Variants in LRP10 observed in about 807,000 individuals in gnomAD.
LRP10 encodes LDL receptor related protein 10, also known as low-density lipoprotein receptor-related protein 10.
Under a neutral mutation model 58.5 loss-of-function variants are expected in LRP10, and 42 were observed. The observed-to-expected ratio is 0.72, with a 90% CI of 0.56 to 0.93. LRP10 has a LOEUF of 0.93. Among genes scored for constraint, LRP10 ranks in the 40% least tolerant of loss-of-function variants. The pLI, the probability that LRP10 is intolerant of heterozygous loss-of-function variation, is 0.00. For synonymous variants in LRP10, 377 were observed against 388.5 expected, an observed-to-expected ratio of 0.97 and a Z score of 0.35; for missense variants, 872 against 940.1, an observed-to-expected ratio of 0.93 and a Z score of 0.95.
chr14:22,873,847 A>G (rs1183923408), intron 3 of LRP10, among the ~76,000 whole-genome samples: 1 of 152,200 alleles, frequency 6.6e-6, no homozygotes, highest in Non-Finnish European at 1.5e-5. Context: ...TCACTTCTCT[A>G]TGGAATTTCC....
At chr14:22,874,699 C>T (rs1347412107) in intron 3 of LRP10, among the ~76,000 whole-genome samples, 1 of 152,176 alleles carries the variant, frequency 6.6e-6, no homozygotes, top group Non-Finnish European at 1.5e-5. Flanking sequence ...ACCAGCCTGA[C>T]CAACATGGTG....
chr14:22,874,713 C>CCCCATCT (rs2039984912), intron 3 of LRP10, among the ~76,000 whole-genome samples: 1 of 152,118 alleles, frequency 6.6e-6, no homozygotes, highest in Non-Finnish European at 1.5e-5. Context: ...CATGGTGAAA[C>CCCCATCT]CCCATCTCTA....
chr14:22,872,380 G>A (rs763334485), intron 1 of LRP10, 43 bp downstream of exon 1: 3 of 1,612,688 alleles, frequency 1.9e-6, no homozygotes, highest in African/African-American at 2.7e-5. Context: ...TCTGTCACCG[G>A]GCCAGCAGCT....
In LRP10 at chr14:22,875,454, C is replaced by G; in HGVS notation, c.506C>G (p.Ser169Cys). 2.5e-6 allele frequency: 4 copies of G among 1,614,210 alleles called. No individual in the cohort carries two copies. Among genetic ancestry groups the G allele is most frequent in the Non-Finnish European group, 3.4e-6 (4 of 1,180,030 alleles). The change falls in exon 5 of 7, where the codon TCT becomes TGT. Residue 169 changes from serine (S) to cysteine (C), a missense_variant. Ser to Cys is a moderately radical substitution (Grantham distance 112). Coordinates refer to ENST00000359591, the MANE Select transcript of LRP10 (RefSeq NM_014045.5). ...GGGGTTGATGCCTGTGGCGATGGCTCTGATGAAGCAGGTTGCAGCTCAGAC... is the reference window on the plus strand; with the variant it reads ...GGGGTTGATGCCTGTGGCGATGGCTGTGATGAAGCAGGTTGCAGCTCAGAC... ...CDGVDACGDG[S>C]DEAGCSSDPF...
At position 22,877,593 on chromosome 14, in the gene LRP10, A is replaced by G. The variant is rs1347984396; in HGVS notation, c.*66A>G. ...TCTACTCATAGTGGCACAACCTTTT[A>G]GAGGTGGGTCAGCCTCCCCTCCACC... On this transcript the variant is annotated 3_prime_UTR_variant, in exon 7 of 7. Transcript: ENST00000359591. This position sits in a 1 kb window ranked among gnomAD's most constrained non-coding sequence, Gnocchi z 5.1. 3.9e-6 allele frequency: 5 copies of G among 1,296,624 alleles called. No homozygotes were observed. The East Asian group carries it at 1.3e-4, about 34-fold the overall frequency. 80.3% of individuals were successfully genotyped at this position (1,296,624 alleles called of 1,614,324 possible).
chr14:22,877,372 T>A lies in LRP10; in HGVS notation c.1987T>A (p.Leu663Met). 6.2e-7 allele frequency: 1 copy of A among 1,613,714 alleles called. No individual in the cohort carries two copies. The highest frequency in any genetic ancestry group is 8.5e-7 in the Non-Finnish European group (1 of 1,179,848). ...GGTGCAGGCCCTGCGAGGCCGCCTG[T>A]TGCCCAGCCTGGGGCCCCCAGGACC... ...GVVQALRGRLLPSLGPPGPTR... is the reference protein window; with the variant it reads ...GVVQALRGRLMPSLGPPGPTR... Residue 663 changes from leucine to methionine, a missense_variant, in exon 7 of 7, where the codon TTG becomes ATG. Physicochemically the swap from Leu to Met is conservative, Grantham distance 15. Transcript: ENST00000359591. The surrounding 1 kb of genome is among the most constrained non-coding windows in gnomAD (Gnocchi z 5.1).
intron 6 of LRP10, 32 bp downstream of exon 6, chr14:22,876,850 T>A (rs1436084748): frequency 1.9e-6 from 3 of 1,609,670 alleles, no homozygotes; most frequent in Non-Finnish European, 2.5e-6. Flanking sequence ...TAGCACCTCC[T>A]GGTCCCAGTT....
intron 2 of LRP10, 132 bp from the exon 3 acceptor site, chr14:22,873,179 T>G (rs2039972814): frequency 9.3e-7 from 1 of 1,071,592 alleles, no homozygotes; most frequent in Non-Finnish European, 1.4e-6. Context: ...AGGCTGTGTG[T>G]GGGCAGGGGC....
chr14:22,877,069 C>T lies in LRP10; in HGVS notation c.1684C>T (p.Arg562Cys), dbSNP rs1415592922. 5.0e-6 allele frequency: 8 copies of T among 1,613,764 alleles called. No homozygotes were observed. Among genetic ancestry groups the T allele is most frequent in the Non-Finnish European group, 5.1e-6 (6 of 1,179,906 alleles). The change falls in exon 7 of 7, where the codon CGC (arginine) becomes TGC (cysteine). Residue 562 changes from arginine to cysteine, a missense_variant. Physicochemically the swap from Arg to Cys is radical, Grantham distance 180 (BLOSUM62 -3). Coordinates refer to ENST00000359591, the MANE Select transcript of LRP10 (RefSeq NM_014045.5). This position sits in a 1 kb window ranked among gnomAD's most constrained non-coding sequence, Gnocchi z 5.1. ...LMRRLVRRLR[R>C]WGLLPRTNTP... Reference sequence around the variant, plus strand: ...GCGACGCCTGGTACGCCGTCTCCGCCGCTGGGGCTTGCTCCCTCGAACCAA... The same window carrying T: ...GCGACGCCTGGTACGCCGTCTCCGCTGCTGGGGCTTGCTCCCTCGAACCAA...
In LRP10 at chr14:22,872,747, T is replaced by C; in HGVS notation, c.44T>C (p.Leu15Pro). 6.2e-7 allele frequency: 1 copy of C among 1,614,192 alleles called. No individual in the cohort carries two copies. The highest frequency in any genetic ancestry group is 8.5e-7 in the Non-Finnish European group (1 of 1,180,036). The change falls in exon 2 of 7, where the codon CTG becomes CCG. Residue 15 changes from leucine (L) to proline (P), a missense_variant. Leu to Pro is a moderately conservative substitution (Grantham distance 98). Transcript: ENST00000359591. Reference sequence around the variant, plus strand: ...CTCGTTCCTCCTCTAGGAGGCGCTCTGGCCCATCCAGACCGGATTATTTTT... The same window carrying C: ...CTCGTTCCTCCTCTAGGAGGCGCTCCGGCCCATCCAGACCGGATTATTTTT... ...TLLLLLLGGALAHPDRIIFPN... is the reference protein window; with the variant it reads ...TLLLLLLGGAPAHPDRIIFPN...
In LRP10 at chr14:22,874,452, G is replaced by A. The variant is rs1244342308; in HGVS notation, c.216-603G>A. Among the ~76,000 whole-genome samples, 5 of 152,214 alleles carry A rather than the reference G, an allele frequency of 3.3e-5. No individual in the cohort carries two copies. In the East Asian group the frequency reaches 9.6e-4, roughly 29 times the overall value. ...GTGACAGTGCTACAACAACTGGAAT[G>A]CAGTGCACCTCTTCTTAACTCAGTC... On this transcript the variant is annotated intron_variant, in intron 3 of 6. Transcript: ENST00000359591.
chr14:22,879,375 C>T lies in LRP10; in HGVS notation c.*1848C>T, dbSNP rs145847601. On this transcript the variant is annotated 3_prime_UTR_variant, in exon 7 of 7. Coordinates refer to ENST00000359591, the MANE Select transcript of LRP10 (RefSeq NM_014045.5). ...CTTACTGTTCTCCCTTTGGGCCCTC[C>T]TTCCCAAACGCAAACAATCCAGGAT... 3 of 315,000 alleles carry T rather than the reference C, an allele frequency of 9.5e-6. No individual in the cohort carries two copies. Among genetic ancestry groups the T allele is most frequent in the Non-Finnish European group, 2.0e-5 (3 of 149,732 alleles). The allele number at this position is 315,000 out of a possible 1,614,324, so 19.5% of individuals were successfully genotyped here.
chr14:22,876,330 G>A lies in LRP10; in HGVS notation c.1382G>A (p.Gly461Asp), dbSNP rs1566493732. 5.6e-6 allele frequency: 9 copies of A among 1,613,928 alleles called. No individual in the cohort carries two copies. Among genetic ancestry groups the A allele is most frequent in the Non-Finnish European group, 7.6e-6 (9 of 1,180,044 alleles). Residue 461 changes from glycine to aspartate, a missense_variant, in exon 5 of 7, where the codon GGC (glycine) becomes GAC (aspartate). By Grantham distance (94) the Gly-to-Asp change is moderately conservative. Coordinates refer to ENST00000359591, the MANE Select transcript of LRP10 (RefSeq NM_014045.5). The part of the protein sequence containing the change: ...VCGLLLVIAL[G>D]CTCKLYAIRT... Reference sequence around the variant, plus strand: ...GGCCTGCTCCTGGTCATCGCCCTGGGCTGCACCTGCAAGCTCTATGCCATT... The same window carrying A: ...GGCCTGCTCCTGGTCATCGCCCTGGACTGCACCTGCAAGCTCTATGCCATT...
intron 3 of LRP10, among the ~76,000 whole-genome samples, chr14:22,874,000 G>A (rs1363210084): frequency 1.3e-5 from 2 of 152,188 alleles, no homozygotes; most frequent in African/African-American, 2.4e-5. Flanking sequence ...ATCTCCAAAG[G>A]ACAGAGGCCC....
Position 22,873,345 on chromosome 14 carries a change from G to A in LRP10, c.114G>A (p.Val38=). 2 of 1,614,108 alleles carry A rather than the reference G, an allele frequency of 1.2e-6. No individual in the cohort carries two copies. Among genetic ancestry groups the A allele is most frequent in the Non-Finnish European group, 1.7e-6 (2 of 1,180,008 alleles). Residue 38 remains valine (V), a synonymous_variant, in exon 3 of 7, where the codon GTG becomes GTA. Transcript: ENST00000359591. ...ACCCCCCAGCAGTGCTCTTAGAAGTGCAGGGCACCTTACAGAGGCCCCTGG... is the reference window on the plus strand; with the variant it reads ...ACCCCCCAGCAGTGCTCTTAGAAGTACAGGGCACCTTACAGAGGCCCCTGG... ...CEDPPAVLLE[V]QGTLQRPLVR...
rs970491043 is a variant in LRP10, at chr14:22,875,575, A to T, written c.627A>T (p.Thr209=). The T allele has an allele frequency of 6.2e-7, 1 of 1,613,806 alleles. No individual in the cohort carries two copies. The highest frequency in any genetic ancestry group is 8.5e-7 in the Non-Finnish European group (1 of 1,179,916). ...GGGTCTTCTCCTCTCCTGGATATAC[A>T]CACCTAGCCTCAGTCTCCCACCCCC... The part of the protein sequence containing the change: ...FYGVFSSPGY[T]HLASVSHPQS... Residue 209 remains threonine (T), a synonymous_variant, in exon 5 of 7, where the codon ACA becomes ACT. Coordinates refer to ENST00000359591, the MANE Select transcript of LRP10 (RefSeq NM_014045.5).
In LRP10 at chr14:22,881,446, C is replaced by A. The variant is rs904484628; in HGVS notation, c.*3919C>A. 2.0e-5 allele frequency: 3 copies of A among 152,260 alleles called. No individual in the cohort carries two copies. The highest frequency in any genetic ancestry group is 6.5e-5 in the Admixed American group (1 of 15,282). 9.4% of individuals were successfully genotyped at this position (152,260 alleles called of 1,614,324 possible). On this transcript the variant is annotated 3_prime_UTR_variant, in exon 7 of 7. Coordinates refer to ENST00000359591, the MANE Select transcript of LRP10 (RefSeq NM_014045.5). ...AATAATTTTCTGCATAACTGAGGATCATTCACAGAAACCAATGGCTTTTCT... is the reference window on the plus strand; with the variant it reads ...AATAATTTTCTGCATAACTGAGGATAATTCACAGAAACCAATGGCTTTTCT...
Position 22,876,171 on chromosome 14 carries a change from A to G in LRP10, c.1223A>G (p.Asp408Gly), listed in dbSNP as rs1344823641. 6.2e-7 allele frequency: 1 copy of G among 1,614,208 alleles called. No homozygotes were observed. The highest frequency in any genetic ancestry group is 8.5e-7 in the Non-Finnish European group (1 of 1,180,030). The change falls in exon 5 of 7, where the codon GAC (aspartate) becomes GGC (glycine). Residue 408 changes from aspartate to glycine, a missense_variant. Coordinates refer to ENST00000359591, the MANE Select transcript of LRP10 (RefSeq NM_014045.5). ...CAGCCTGGCAATTTCCGATGCCGGG[A>G]CGAGAAGTGCGTGTATGAGACGTGG... Reference protein sequence around the residue: ...HCQPGNFRCRDEKCVYETWVC... With the variant: ...HCQPGNFRCRGEKCVYETWVC...
At position 22,872,321 on chromosome 14, in the gene LRP10, C is replaced by T. The variant is rs894342230; in HGVS notation, c.18C>T (p.Leu6=). ...AGCCCAGGATGCTGTTGGCCACCCT[C>T]CTCCTCCTCCTCCTTGGTAAGAACC... MLLAT[L]LLLLLGGALA... is the part of the protein sequence containing the mutation. Residue 6 remains leucine, a synonymous_variant, in exon 1 of 7, where the codon CTC becomes CTT. Coordinates refer to ENST00000359591, the MANE Select transcript of LRP10 (RefSeq NM_014045.5). 2.5e-6 allele frequency: 4 copies of T among 1,612,488 alleles called. No individual in the cohort carries two copies. The highest frequency in any genetic ancestry group is 2.5e-6 in the Non-Finnish European group (3 of 1,178,798).
Sources: gnomAD v4.1 joint callset for allele counts (sites outside exome capture counted in the v4.1 genomes callset) on GRCh38, gnomAD v4.1.1 for gene constraint, Gnocchi (gnomAD v3.1) non-coding constraint, MANE v1.5 for transcripts, NCBI Gene and HGNC (gene_info 2026-07-23, HGNC 2026-07-21) for gene names.